NCOA5: variants seen among roughly 807,000 people sequenced by gnomAD.
The protein encoded by NCOA5 is NCoA-5.
In NCOA5, 12 loss-of-function variants were observed where a neutral mutation model predicts 59.0. The observed-to-expected ratio is 0.20, with a 90% CI of 0.13 to 0.33. NCOA5 has a LOEUF of 0.33. Ranked by LOEUF, NCOA5 falls within the 10% of genes least tolerant of loss-of-function variation. The pLI is 1.00. For synonymous variants in NCOA5, 270 were observed against 275.5 expected (o/e 0.98, Z 0.20); for missense variants, 655 against 766.6 (o/e 0.85, Z 1.72).
intron 2 of NCOA5, among the ~76,000 whole-genome samples, chr20:46,073,506 G>A (rs1377272584): frequency 6.6e-6 from 1 of 152,100 alleles, no homozygotes; most frequent in Non-Finnish European, 1.5e-5. Context: ...CATGTAATGT[G>A]GGCAAACACT....
chr20:46,070,813 G>A (rs542342572), intron 2 of NCOA5, among the ~76,000 whole-genome samples: 1 of 152,282 alleles, frequency 6.6e-6, no homozygotes, highest in African/African-American at 2.4e-5. Flanking sequence ...CAAAGTGAAA[G>A]TGTCTTTCCA....
intron 2 of NCOA5, among the ~76,000 whole-genome samples, chr20:46,075,026 T>C (rs923642817): frequency 1.2e-4 from 18 of 152,236 alleles, no homozygotes; most frequent in Non-Finnish European, 2.1e-4. Flanking sequence ...GTCACAGATA[T>C]ACTGTCCACA....
chr20:46,075,081 C>T (rs948192797), intron 2 of NCOA5, among the ~76,000 whole-genome samples: 6 of 152,160 alleles, frequency 3.9e-5, no homozygotes, highest in Non-Finnish European at 8.8e-5. Flanking sequence ...TGTTGATCCT[C>T]CACCAGGAGG....
chr20:46,065,289 A>C, intron 5 of NCOA5, 61 bp from the exon 6 acceptor site: 1 of 1,547,962 alleles, frequency 6.5e-7, no homozygotes, highest in Non-Finnish European at 8.9e-7. Context: ...GTGTGTCTCA[A>C]GCCAGTTGTG....
intron 3 of NCOA5, among the ~76,000 whole-genome samples, chr20:46,069,383 C>G (rs930749950): frequency 6.6e-6 from 1 of 152,166 alleles, no homozygotes; most frequent in Non-Finnish European, 1.5e-5. Flanking sequence ...TCATGCTGTA[C>G]CACAGATCAG....
In NCOA5 at chr20:46,073,989, G is replaced by A. The variant is rs191161116; in HGVS notation, c.39-3453C>T. Among the ~76,000 whole-genome samples, 292 of 152,210 alleles carry A rather than the reference G, an allele frequency of 1.9e-3. 1 individual carries two copies. The highest frequency in any genetic ancestry group is 6.8e-3 in the Middle Eastern group (2 of 294). Reference sequence around the variant, plus strand: ...GCCTTCAGGGTAAAAATGTAGAAGAGGTGATATTCACAAAAGGAAAAAGAA... The same window carrying A: ...GCCTTCAGGGTAAAAATGTAGAAGAAGTGATATTCACAAAAGGAAAAAGAA... On this transcript the variant is annotated intron_variant, in intron 2 of 7. Coordinates refer to ENST00000290231, the MANE Select transcript of NCOA5 (RefSeq NM_020967.3).
chr20:46,084,142 T>C (rs571771461), intron 1 of NCOA5, among the ~76,000 whole-genome samples: 2 of 152,358 alleles, frequency 1.3e-5, no homozygotes, highest in East Asian at 1.9e-4. Flanking sequence ...TATTATTTCA[T>C]TCAATCCTTT....
intron 1 of NCOA5, among the ~76,000 whole-genome samples, chr20:46,085,748 A>C (rs1041395874): frequency 2.6e-5 from 4 of 152,202 alleles, no homozygotes; most frequent in African/African-American, 9.7e-5. Context: ...CCAGATTGCA[A>C]AACACTTTGC....
intron 3 of NCOA5, among the ~76,000 whole-genome samples, chr20:46,069,735 A>T (rs2084862024): frequency 1.0e-5 from 1 of 96,156 alleles, no homozygotes; most frequent in South Asian, 4.3e-4. Flanking sequence ...TGTCTCAAAG[A>T]AAAAAAAAAA....
intron 7 of NCOA5, 115 bp from the exon 8 acceptor site, chr20:46,063,004 C>T (rs571226359): frequency 3.8e-5 from 33 of 874,434 alleles, no homozygotes; most frequent in Admixed American, 1.8e-4. Flanking sequence ...AGTACACAGA[C>T]GATAACATCA....
intron 1 of NCOA5, among the ~76,000 whole-genome samples, chr20:46,086,968 C>T (rs1383301015): frequency 6.6e-6 from 1 of 152,182 alleles, no homozygotes; most frequent in African/African-American, 2.4e-5. Context: ...TTTTGCTTGA[C>T]CCTGAAATCA....
At chr20:46,064,001 T>C (rs1456305082) in intron 6 of NCOA5, among the ~76,000 whole-genome samples, 2 of 152,130 alleles carry the variant, frequency 1.3e-5, no homozygotes, top group East Asian at 1.9e-4. Context: ...GGAACAGCCA[T>C]GGGAGGCAGG....
intron 1 of NCOA5, among the ~76,000 whole-genome samples, chr20:46,085,710 A>C (rs1249592466): frequency 6.6e-6 from 1 of 152,132 alleles, no homozygotes; most frequent in Non-Finnish European, 1.5e-5. Flanking sequence ...AGAGAGAGGA[A>C]TAACATGAAG....
At chr20:46,088,193 G>A (rs1237472346) in intron 1 of NCOA5, among the ~76,000 whole-genome samples, 2 of 152,138 alleles carry the variant, frequency 1.3e-5, no homozygotes, top group African/African-American at 4.8e-5. Flanking sequence ...GGTGTTCACA[G>A]GTATGCAACA....
rs763331179 is a variant in NCOA5 at position 46,061,437 on chromosome 20, A to C, written c.*863T>G. On this transcript the variant is annotated 3_prime_UTR_variant, in exon 8 of 8. Coordinates refer to ENST00000290231, the MANE Select transcript of NCOA5 (RefSeq NM_020967.3). The stretch of plus-strand genomic sequence containing the variant: ...GAATAAGAGTCTAGACAAAAACAAG[A>C]GCCTGGGGTTTTGAGCCAAAAGCCC... 6.6e-6 allele frequency: 1 copy of C among 152,568 alleles called. No individual in the cohort carries two copies. Among genetic ancestry groups the C allele is most frequent in the Non-Finnish European group, 1.5e-5 (1 of 68,026 alleles). 9.5% of individuals were successfully genotyped at this position (152,568 alleles called of 1,614,324 possible). A position where few individuals can be genotyped will look rare whatever the true frequency, so the allele number is the denominator to read the frequency against.
At position 46,062,058 on chromosome 20, in the gene NCOA5, C is replaced by T. The variant is rs1303980161; in HGVS notation, c.*242G>A. 13 of 403,050 alleles carry T rather than the reference C, an allele frequency of 3.2e-5. No homozygotes were observed. Among genetic ancestry groups the T allele is most frequent in the African/African-American group, 6.0e-5 (3 of 50,248 alleles). The allele number at this position is 403,050 out of a possible 1,614,324, so 25.0% of individuals were successfully genotyped here. A position where few individuals can be genotyped will look rare whatever the true frequency, so the allele number is the denominator to read the frequency against. ...CAAGCCCAGACACCTGTACTGCCCC[C>T]GGAGATATTTATTTTCTACAAAACA... On this transcript the variant is annotated 3_prime_UTR_variant, in exon 8 of 8. Transcript: ENST00000290231.
chr20:46,076,055 T>C (rs2084934540), intron 2 of NCOA5, among the ~76,000 whole-genome samples: 1 of 152,206 alleles, frequency 6.6e-6, no homozygotes, highest in African/African-American at 2.4e-5. Flanking sequence ...CTCCCAAAGA[T>C]ACCTACGTTA....
chr20:46,089,107 C>T (rs2206892), intron 1 of NCOA5, among the ~76,000 whole-genome samples: 28,639 of 152,214 alleles, frequency 0.19, 2,866 homozygotes, highest in South Asian at 0.29. Context: ...CAACGCCGTC[C>T]TAAGAGAAGC....
Position 46,063,030 on chromosome 20 carries a change from C to T in NCOA5, c.1151-141G>A, listed in dbSNP as rs557081776. Reference sequence around the variant, plus strand: ...GATAACATCAATTTCCCAAAGAGGCCGCTTCATGATATGTGCTGTTTACAG... The same window carrying T: ...GATAACATCAATTTCCCAAAGAGGCTGCTTCATGATATGTGCTGTTTACAG... On this transcript the variant is annotated intron_variant, in intron 7 of 7. Transcript: ENST00000290231. 20 of 757,980 alleles carry T rather than the reference C, an allele frequency of 2.6e-5. 1 individual carries two copies. Among genetic ancestry groups the T allele is most frequent in the South Asian group, 2.1e-4 (10 of 46,582 alleles). The allele number at this position is 757,980 out of a possible 1,614,324, so 47.0% of individuals were successfully genotyped here.
Sources: gnomAD v4.1 joint callset for allele counts (sites outside exome capture counted in the v4.1 genomes callset) on GRCh38, gnomAD v4.1.1 for gene constraint, MANE v1.5 for transcripts, NCBI Gene and HGNC (gene_info 2026-07-23, HGNC 2026-07-21) for gene names.